Variants in IFT22 observed in about 807,000 individuals in gnomAD.
IFT22 encodes the protein intraflagellar transport 22.
A neutral mutation model predicts 21.0 loss-of-function variants in IFT22; 13 were observed. The observed-to-expected ratio is 0.62, with a 90% CI of 0.40 to 0.98. IFT22 has a LOEUF of 0.98. Among genes scored for constraint, IFT22 ranks in the 50% least tolerant of loss-of-function variants. IFT22 has a pLI of 0.00. For missense variants in IFT22, 227 were observed against 228.9 expected, an observed-to-expected ratio of 0.99 and a Z score of 0.06; for synonymous variants, 67 against 82.4, an observed-to-expected ratio of 0.81 and a Z score of 1.01.
Position 101,314,341 on chromosome 7 carries a change from G to C in IFT22, c.*793C>G, listed in dbSNP as rs1415238688. The C allele has an allele frequency of 6.6e-6, 1 of 151,886 alleles. No individual in the cohort carries two copies. The highest frequency in any genetic ancestry group is 2.4e-5 in the African/African-American group (1 of 41,322). 9.4% of individuals were successfully genotyped at this position (151,886 alleles called of 1,614,324 possible). A position where few individuals can be genotyped will look rare whatever the true frequency, so the allele number is the denominator to read the frequency against. On this transcript the variant is annotated 3_prime_UTR_variant, in exon 5 of 5. Coordinates refer to ENST00000315322, the MANE Select transcript of IFT22 (RefSeq NM_022777.4). ...CCAGCTGATTTTTCTATTTTTAGTA[G>C]AGATGGGGTTTCACCACGTTGGTCA...
In IFT22 at chr7:101,313,676, A is replaced by T. The variant is rs1332827774; in HGVS notation, c.*1458T>A. ...CTCTGTGTGTCTGCGAATAACTGAG[A>T]AAGTGCCACAGTATTGATTTGGGGG... On this transcript the variant is annotated 3_prime_UTR_variant, in exon 5 of 5. Coordinates refer to ENST00000315322, the MANE Select transcript of IFT22 (RefSeq NM_022777.4). 1 of 152,152 alleles carries T rather than the reference A, an allele frequency of 6.6e-6. No homozygotes were observed. The highest frequency in any genetic ancestry group is 2.4e-5 in the African/African-American group (1 of 41,440). The allele number at this position is 152,152 out of a possible 1,614,324, so 9.4% of individuals were successfully genotyped here. A position where few individuals can be genotyped will look rare whatever the true frequency, so the allele number is the denominator to read the frequency against.
intron 1 of IFT22, among the ~76,000 whole-genome samples, chr7:101,320,921 C>T (rs1355579919): frequency 6.6e-6 from 1 of 152,012 alleles, no homozygotes; most frequent in African/African-American, 2.4e-5. Context: ...CCGAGGCTGG[C>T]GGATCACTTG....
In IFT22 at chr7:101,312,758, A is replaced by C. The variant is rs979012260; in HGVS notation, c.*2376T>G. On this transcript the variant is annotated 3_prime_UTR_variant, in exon 5 of 5. Transcript: ENST00000315322. Reference sequence around the variant, plus strand: ...CACCATGTTGGACAGGCTGGTCTCGAACTCCTGACCTTGTGATTTACCTGC... The same window carrying C: ...CACCATGTTGGACAGGCTGGTCTCGCACTCCTGACCTTGTGATTTACCTGC... 6.6e-6 allele frequency among the ~76,000 whole-genome samples: 1 copy of C among 151,808 alleles called. No individual in the cohort carries two copies. The highest frequency in any genetic ancestry group is 2.4e-5 in the African/African-American group (1 of 41,376).
chr7:101,319,071 G>A (rs1584314702), intron 1 of IFT22, 39 bp from the exon 2 acceptor site: 2 of 1,608,370 alleles, frequency 1.2e-6, no homozygotes, highest in Non-Finnish European at 1.7e-6. Flanking sequence ...TTGCTGAAAG[G>A]CAGAAAAGGA....
chr7:101,316,565 CA>C, intron 3 of IFT22, 23 bp from the exon 4 acceptor site: 1 of 1,610,864 alleles, frequency 6.2e-7, no homozygotes, highest in Non-Finnish European at 8.5e-7. Context: ...AAAGGAACAA[CA>C]GGGAAAGTTA....
At chr7:101,320,222 G>A (rs1277713141) in intron 1 of IFT22, among the ~76,000 whole-genome samples, 2 of 151,188 alleles carry the variant, frequency 1.3e-5, no homozygotes, top group Admixed American at 6.6e-5. Context: ...CTCCCAAAGT[G>A]CTGGGATTAG....
chr7:101,312,690 C>A lies in IFT22; in HGVS notation c.*2444G>T, dbSNP rs28557778. 0.14 allele frequency among the ~76,000 whole-genome samples: 21,651 copies of A among 150,798 alleles called. 1,823 individuals are homozygous for A. The highest frequency in any genetic ancestry group is 0.29 in the Admixed American group (4,324 of 15,074). ...AGCTGGGATTACAGGTACCCGCCAC[C>A]AGGCCCAGCTAATTTTTTGTGTTTT... On this transcript the variant is annotated 3_prime_UTR_variant, in exon 5 of 5. Coordinates refer to ENST00000315322, the MANE Select transcript of IFT22 (RefSeq NM_022777.4).
At position 101,311,638 on chromosome 7, in the gene IFT22, T is replaced by C. The variant is rs1789981903; in HGVS notation, c.*3496A>G. Among the ~76,000 whole-genome samples the C allele has an allele frequency of 6.6e-6, 1 of 152,240 alleles. No homozygotes were observed. The highest frequency in any genetic ancestry group is 2.1e-4 in the South Asian group (1 of 4,834). ...TCTCCCACTCTCAGCTGAAAAGAGC[T>C]ACATCTACCATTTCATCTACTTAGT... On this transcript the variant is annotated 3_prime_UTR_variant, in exon 5 of 5. Transcript: ENST00000315322.
At chr7:101,315,625 C>G (rs1300780596) in intron 4 of IFT22, 2 of 273,374 alleles carry the variant, frequency 7.3e-6, no homozygotes, top group African/African-American at 4.6e-5. Flanking sequence ...CAGAAAAGTT[C>G]TTTCAGAAAG....
intron 3 of IFT22, 36 bp downstream of exon 3, chr7:101,318,088 C>G: frequency 6.3e-7 from 1 of 1,579,356 alleles, no homozygotes; most frequent in Non-Finnish European, 8.7e-7. Context: ...ATTTTTAAAC[C>G]ATTTGATGAA....
At position 101,311,532 on chromosome 7, in the gene IFT22, G is replaced by A. The variant is rs1789979770; in HGVS notation, c.*3602C>T. Among the ~76,000 whole-genome samples, 1 of 152,138 alleles carries A rather than the reference G, an allele frequency of 6.6e-6. No individual in the cohort carries two copies. Among genetic ancestry groups the A allele is most frequent in the Admixed American group, 6.6e-5 (1 of 15,256 alleles). ...CTCTCTCCAGTAGACTGCTCACACA[G>A]CTACATGTCAGCCCTCCTCACTGTG... On this transcript the variant is annotated 3_prime_UTR_variant, in exon 5 of 5. Transcript: ENST00000315322.
At position 101,312,142 on chromosome 7, in the gene IFT22, G is replaced by T. The variant is rs1288005378; in HGVS notation, c.*2992C>A. Among the ~76,000 whole-genome samples, 1 of 151,494 alleles carries T rather than the reference G, an allele frequency of 6.6e-6. No homozygotes were observed. Among genetic ancestry groups the T allele is most frequent in the Non-Finnish European group, 1.5e-5 (1 of 67,832 alleles). On this transcript the variant is annotated 3_prime_UTR_variant, in exon 5 of 5. Transcript: ENST00000315322. Reference sequence around the variant, plus strand: ...GTATGGGCTGGGCACAATGACTCATGCCTGTAATCCCACCACTTTGGGAGG... The same window carrying T: ...GTATGGGCTGGGCACAATGACTCATTCCTGTAATCCCACCACTTTGGGAGG...
In IFT22 at chr7:101,316,357, TTATCA is replaced by T; in HGVS notation, c.387_391del (p.Asp129GlufsTer23). ...TTCCTTACACAAAGACAGGCTTCCT[TTATCA>T]TCTCCAGAGCCTGGTTTGTGGTGTG... On this transcript the variant is annotated frameshift_variant, in exon 4 of 5. Transcript: ENST00000315322. LOFTEE classifies it high-confidence loss of function. 1 of 1,614,154 alleles carries T rather than the reference TTATCA, an allele frequency of 6.2e-7. No homozygotes were observed. Among genetic ancestry groups the T allele is most frequent in the Non-Finnish European group, 8.5e-7 (1 of 1,180,022 alleles).
intron 2 of IFT22, 170 bp downstream of exon 2, chr7:101,318,786 G>T: frequency 1.7e-6 from 1 of 572,576 alleles, no homozygotes; most frequent in Non-Finnish European, 3.2e-6. Context: ...ACAGACACAT[G>T]CCAACACACC....
chr7:101,321,374 AAAAG>A, intron 1 of IFT22: 1 of 442,004 alleles, frequency 2.3e-6, no homozygotes, highest in Non-Finnish European at 4.0e-6. Flanking sequence ...TCCCGGGGGC[AAAAG>A]AAAGAGTCAC....
intron 4 of IFT22, chr7:101,315,522 T>C: frequency 1.9e-6 from 1 of 530,718 alleles, no homozygotes; most frequent in Non-Finnish European, 3.3e-6. Context: ...TTCTCTATTA[T>C]TCTCATTTTG....
rs1020063892 is a variant in IFT22 at position 101,311,901 on chromosome 7, G to A, written c.*3233C>T. Among the ~76,000 whole-genome samples the A allele has an allele frequency of 2.0e-5, 3 of 152,078 alleles. No individual in the cohort carries two copies. The highest frequency in any genetic ancestry group is 7.2e-5 in the African/African-American group (3 of 41,398). ...CAGGCACCTGTAATCCCAGCTGCTT[G>A]GGAGGCTGAGGGAGGAGAATCAGTT... On this transcript the variant is annotated 3_prime_UTR_variant, in exon 5 of 5. Coordinates refer to ENST00000315322, the MANE Select transcript of IFT22 (RefSeq NM_022777.4).
At chr7:101,319,310 C>A (rs952225039) in intron 1 of IFT22, among the ~76,000 whole-genome samples, 1 of 152,044 alleles carries the variant, frequency 6.6e-6, no homozygotes, top group African/African-American at 2.4e-5. Flanking sequence ...CTCACTGCAA[C>A]CCCCGGGTTC....
chr7:101,317,756 G>C (rs929398573), intron 3 of IFT22, among the ~76,000 whole-genome samples: 1 of 151,824 alleles, frequency 6.6e-6, no homozygotes, highest in African/African-American at 2.4e-5. Context: ...CAGCTCTGTC[G>C]CCCAGGCTGG....
Sources: allele counts gnomAD v4.1 joint callset (sites outside exome capture counted in the v4.1 genomes callset), GRCh38; gene constraint gnomAD v4.1.1; transcripts MANE v1.5; gene names NCBI Gene and HGNC (gene_info 2026-07-23, HGNC 2026-07-21).